Variants in SORBS2 observed in about 807,000 individuals in gnomAD.
SORBS2 encodes sorbin and SH3 domain-containing protein 2.
Under a neutral mutation model 97.7 loss-of-function variants are expected in SORBS2, and 46 were observed. The observed-to-expected ratio is 0.47, with a 90% CI of 0.37 to 0.60. The LOEUF (loss-of-function observed/expected upper bound fraction) is 0.60, where lower values mean the gene tolerates loss of function less well. Among genes scored for constraint, SORBS2 ranks in the 20% least tolerant of loss-of-function variants. The probability of loss-of-function intolerance (pLI) is 0.00; values close to 1 mark genes in which losing one functional copy is unlikely to be tolerated. For missense variants in SORBS2, 1,316 were observed against 1,282.3 expected, an observed-to-expected ratio of 1.03 and a Z score of -0.40; for synonymous variants, 476 against 473.4, an observed-to-expected ratio of 1.01 and a Z score of -0.07.
At chr4:185,944,053 G>C (rs1431428456) in intron 1 of SORBS2, among the ~76,000 whole-genome samples, 2 of 152,178 alleles carry the variant, frequency 1.3e-5, no homozygotes, top group African/African-American at 2.4e-5. Context: ...ACTTAGCAAA[G>C]CTATGTCCTA....
intron 1 of SORBS2, among the ~76,000 whole-genome samples, chr4:185,811,339 A>G (rs889294181): frequency 6.6e-6 from 1 of 152,194 alleles, no homozygotes; most frequent in African/African-American, 2.4e-5. Flanking sequence ...GAAAGAATCC[A>G]TTGTTCACAA....
chr4:185,840,344 A>G lies in SORBS2; in HGVS notation c.-337-64978T>C, dbSNP rs182733801. ...GACCAAAAATATCTCTCATTCATAC[A>G]AGATAGAATCTAGCTGGATTTTGGT... On this transcript the variant is annotated intron_variant, in intron 1 of 20. Coordinates refer to the SORBS2 transcript ENST00000284776. Among the ~76,000 whole-genome samples the G allele has an allele frequency of 7.2e-5, 11 of 152,322 alleles. No individual in the cohort carries two copies. In the East Asian group the frequency reaches 2.1e-3, roughly 29 times the overall value.
At chr4:185,933,367 G>A (rs916875660) in intron 1 of SORBS2, 12 of 152,190 alleles carry the variant, frequency 7.9e-5, no homozygotes, top group South Asian at 4.1e-4. Flanking sequence ...GGGTCTATTC[G>A]TCTGCTTGGG....
At position 185,639,044 on chromosome 4, in the gene SORBS2, A is replaced by T. The variant is rs1395726226; in HGVS notation, c.396+7624T>A. 1 of 1,513,074 alleles carries T rather than the reference A, an allele frequency of 6.6e-7. No homozygotes were observed. The highest frequency in any genetic ancestry group is 1.4e-5 in the African/African-American group (1 of 70,036). The allele number at this position is 1,513,074 out of a possible 1,614,324, so 93.7% of individuals were successfully genotyped here. Reference sequence around the variant, plus strand: ...GTTGTTGGGAGAGGGGGCTGCAAGAAAGAGGGGTGCAGAAACTGGTTCATT... The same window carrying T: ...GTTGTTGGGAGAGGGGGCTGCAAGATAGAGGGGTGCAGAAACTGGTTCATT... On this transcript the variant is annotated intron_variant, in intron 4 of 14. Transcript: ENST00000418609.
chr4:185,922,864 T>C (rs1376334649), intron 1 of SORBS2, among the ~76,000 whole-genome samples: 1 of 152,160 alleles, frequency 6.6e-6, no homozygotes, highest in Admixed American at 6.5e-5. Flanking sequence ...CTAGGAAATA[T>C]AGTAACCCAG....
intron 1 of SORBS2, among the ~76,000 whole-genome samples, chr4:185,939,999 C>A (rs918761961): frequency 1.3e-5 from 2 of 152,210 alleles, no homozygotes; most frequent in Admixed American, 6.5e-5. Context: ...ATGAGCCGCA[C>A]CCTCTTGAAG....
chr4:185,624,646 G>A (rs748507138), intron 6 of SORBS2, 152 bp from the exon 19 acceptor site: 24 of 776,514 alleles, frequency 3.1e-5, no homozygotes, highest in African/African-American at 5.2e-5. Flanking sequence ...GTTCACACAT[G>A]GAGCTTCAAC....
chr4:185,756,787 G>A (rs2098833979), intron 2 of SORBS2, among the ~76,000 whole-genome samples: 1 of 136,674 alleles, frequency 7.3e-6, no homozygotes, highest in Non-Finnish European at 1.5e-5. Flanking sequence ...CTGAACAAAT[G>A]ATCCTTTGGT....
At chr4:185,889,565 A>G (rs1394645116) in intron 1 of SORBS2, among the ~76,000 whole-genome samples, 2 of 152,064 alleles carry the variant, frequency 1.3e-5, no homozygotes, top group Non-Finnish European at 2.9e-5. Context: ...GCTTCGATTC[A>G]AAATGTTTAA....
intron 1 of SORBS2, among the ~76,000 whole-genome samples, chr4:185,875,556 T>C (rs950341357): frequency 6.6e-6 from 1 of 152,232 alleles, no homozygotes; most frequent in African/African-American, 2.4e-5. Flanking sequence ...TTTACAGTGC[T>C]TAGTTTTAAA....
At chr4:185,896,121 C>T (rs1395736421) in intron 1 of SORBS2, among the ~76,000 whole-genome samples, 1 of 152,166 alleles carries the variant, frequency 6.6e-6, no homozygotes, top group South Asian at 2.1e-4. Context: ...TTGTATATAA[C>T]AAATACTCCA....
intron 1 of SORBS2, among the ~76,000 whole-genome samples, chr4:185,787,147 C>T (rs2099060124): frequency 6.6e-6 from 1 of 152,116 alleles, no homozygotes; most frequent in Non-Finnish European, 1.5e-5. Context: ...ACACTGCAGG[C>T]TCCTTGAGGA....
At chr4:185,602,762 G>C (rs899019068) in intron 12 of SORBS2, among the ~76,000 whole-genome samples, 4 of 152,202 alleles carry the variant, frequency 2.6e-5, no homozygotes, top group African/African-American at 9.6e-5. Context: ...GTTTGTAACT[G>C]GGTCAGATGC....
intron 2 of SORBS2, among the ~76,000 whole-genome samples, chr4:185,685,683 C>G (rs1365035450): frequency 2.6e-5 from 4 of 152,136 alleles, no homozygotes; most frequent in Non-Finnish European, 5.9e-5. Flanking sequence ...AGGCACACAC[C>G]GGCTAACGTT....
intron 1 of SORBS2, chr4:185,656,608 A>C: frequency 6.5e-7 from 1 of 1,547,630 alleles, no homozygotes; most frequent in Non-Finnish European, 8.7e-7. Context: ...ATGGCCCCCA[A>C]CTTCACCTGC....
chr4:185,922,313 C>T (rs549358184), intron 1 of SORBS2, among the ~76,000 whole-genome samples: 65 of 152,280 alleles, frequency 4.3e-4, no homozygotes, highest in Non-Finnish European at 8.4e-4. Context: ...GAGTGCATCA[C>T]TCAGAATGAT....
chr4:185,638,239 A>G, intron 4 of SORBS2, 77 bp from the exon 15 acceptor site: 2 of 879,044 alleles, frequency 2.3e-6, no homozygotes, highest in East Asian at 2.4e-5. Flanking sequence ...GGCATGAAAA[A>G]CTCACGCGCG....
intron 2 of SORBS2, among the ~76,000 whole-genome samples, chr4:185,732,431 G>C (rs533762421): frequency 1.3e-5 from 2 of 152,336 alleles, no homozygotes; most frequent in African/African-American, 2.4e-5. Context: ...CAGGGTTTTA[G>C]AGGTTCATGA....
At chr4:185,823,744 G>A (rs1208140944) in intron 1 of SORBS2, among the ~76,000 whole-genome samples, 1 of 152,080 alleles carries the variant, frequency 6.6e-6, no homozygotes, top group African/African-American at 2.4e-5. Flanking sequence ...CACAGTCAGA[G>A]GAAAGAAGAA....
Sources: gnomAD v4.1 joint callset for allele counts (sites outside exome capture counted in the v4.1 genomes callset) on GRCh38, gnomAD v4.1.1 for gene constraint, MANE v1.5 for transcripts, NCBI Gene and HGNC (gene_info 2026-07-23, HGNC 2026-07-21) for gene names.